ARID4B: variants seen among roughly 807,000 people sequenced by gnomAD.
The protein encoded by ARID4B is AT-rich interactive domain-containing protein 4B.
In ARID4B, 26 loss-of-function variants were observed where a neutral mutation model predicts 147.5. The observed-to-expected ratio is 0.18, with a 90% CI of 0.13 to 0.24. The LOEUF (loss-of-function observed/expected upper bound fraction) is 0.24, where lower values mean the gene tolerates loss of function less well. ARID4B is among the 10% of genes least tolerant of loss of function. The probability of loss-of-function intolerance (pLI) is 1.00; values close to 1 mark genes in which losing one functional copy is unlikely to be tolerated. For synonymous variants in ARID4B, 512 were observed against 507.9 expected (o/e 1.01, Z -0.11); for missense variants, 1,179 against 1,511.5 (o/e 0.78, Z 3.65).
chr1:235,308,131 G>T (rs1572208056), intron 2 of ARID4B, among the ~76,000 whole-genome samples: 2 of 101,852 alleles, frequency 2.0e-5, no homozygotes, highest in South Asian at 6.9e-4. Context: ...CTTGCATCTT[G>T]CTCTGTCGCC....
At chr1:235,185,277 T>C (rs1040936698) in intron 19 of ARID4B, among the ~76,000 whole-genome samples, 1 of 152,186 alleles carries the variant, frequency 6.6e-6, no homozygotes, top group Non-Finnish European at 1.5e-5. Flanking sequence ...CAGAAATAAG[T>C]AGTACATTTG....
intron 2 of ARID4B, among the ~76,000 whole-genome samples, chr1:235,275,950 A>G (rs1671287625): frequency 6.6e-6 from 1 of 152,192 alleles, no homozygotes; most frequent in Admixed American, 6.5e-5. Context: ...CAGCCGGGAC[A>G]ACACGGCAAA....
chr1:235,238,608 C>T (rs1444380082), intron 8 of ARID4B, among the ~76,000 whole-genome samples: 1 of 152,212 alleles, frequency 6.6e-6, no homozygotes, highest in African/African-American at 2.4e-5. Flanking sequence ...GTAATCCCAG[C>T]ACTCTGGGAA....
In ARID4B at chr1:235,175,309, T is replaced by C; in HGVS notation, c.3539A>G (p.His1180Arg). 2 of 1,613,656 alleles carry C rather than the reference T, an allele frequency of 1.2e-6. No individual in the cohort carries two copies. The highest frequency in any genetic ancestry group is 1.7e-6 in the Non-Finnish European group (2 of 1,179,520). Residue 1180 changes from histidine (H) to arginine (R), a missense_variant, in exon 22 of 24, where the codon CAT becomes CGT. Physicochemically the swap from His to Arg is conservative, Grantham distance 29. Around this residue, in one of 10 missense-constraint regions of ARID4B, gnomAD observed 357 missense variants for 427.3 expected, o/e 0.84. Transcript: ENST00000264183. Reference sequence around the variant, plus strand: ...CGTCCTTGCGGGAGATTTGGTACTATGAGACTTCATTCCAGTGGAAACTGA... The same window carrying C: ...CGTCCTTGCGGGAGATTTGGTACTACGAGACTTCATTCCAGTGGAAACTGA... Reference protein sequence around the residue: ...VKSVSTGMKSHSTKSPARTQS... With the variant: ...VKSVSTGMKSRSTKSPARTQS...
chr1:235,296,738 G>C (rs1349291120), intron 2 of ARID4B, among the ~76,000 whole-genome samples: 1 of 138,876 alleles, frequency 7.2e-6, no homozygotes. Context: ...TAGGTTACAG[G>C]AGTGAGCCAC....
intron 16 of ARID4B, among the ~76,000 whole-genome samples, chr1:235,214,615 T>C (rs1189206746): frequency 2.0e-5 from 3 of 152,124 alleles, no homozygotes; most frequent in Admixed American, 6.6e-5. Flanking sequence ...GAAATACTAT[T>C]TTAATTTAAA....
In ARID4B at chr1:235,274,021, T is replaced by C. The variant is rs559218425; in HGVS notation, c.7-13269A>G. On this transcript the variant is annotated intron_variant, in intron 2 of 23. Coordinates refer to ENST00000264183, the MANE Select transcript of ARID4B (RefSeq NM_016374.6). Reference sequence around the variant, plus strand: ...GCTGGTTGTAAAACATAAAAAGTAATTGCAGAAACTGAAATTATACTAGTT... The same window carrying C: ...GCTGGTTGTAAAACATAAAAAGTAACTGCAGAAACTGAAATTATACTAGTT... 5.3e-5 allele frequency among the ~76,000 whole-genome samples: 8 copies of C among 152,280 alleles called. No homozygotes were observed. In the East Asian group the frequency reaches 1.3e-3, roughly 26 times the overall value.
intron 19 of ARID4B, among the ~76,000 whole-genome samples, chr1:235,189,399 CAAAAAAAA>C (rs11299121): frequency 1.4e-4 from 8 of 58,920 alleles, no homozygotes; most frequent in Admixed American, 1.1e-3. Context: ...GACTCAGTCT[CAAAAAAAA>C]AAAAAAAAAA....
intron 11 of ARID4B, chr1:235,228,171 G>A (rs760143310): frequency 6.7e-6 from 1 of 149,852 alleles, no homozygotes; most frequent in Non-Finnish European, 1.5e-5. Context: ...AATGAAAGAT[G>A]TATTTTATAC....
chr1:235,250,738 TAG>T (rs2103093581), intron 6 of ARID4B, among the ~76,000 whole-genome samples: 1 of 152,246 alleles, frequency 6.6e-6, no homozygotes, highest in South Asian at 2.1e-4. Context: ...AAACATAAAT[TAG>T]AAGTACACAC....
At chr1:235,319,730 G>C (rs1180306454) in intron 2 of ARID4B, among the ~76,000 whole-genome samples, 1 of 152,114 alleles carries the variant, frequency 6.6e-6, no homozygotes. Flanking sequence ...AGGACGGCCA[G>C]GTGCAGTGGC....
chr1:235,269,776 G>A (rs1298992214), intron 2 of ARID4B, among the ~76,000 whole-genome samples: 3 of 152,078 alleles, frequency 2.0e-5, no homozygotes, highest in Non-Finnish European at 4.4e-5. Context: ...CCAGTCTGGT[G>A]AAGGAGATTA....
At chr1:235,312,056 G>T (rs758271630) in intron 2 of ARID4B, among the ~76,000 whole-genome samples, 51 of 152,200 alleles carry the variant, frequency 3.4e-4, no homozygotes, top group Non-Finnish European at 6.6e-4. Context: ...TTGGGAGGCC[G>T]AGGCAGGCAA....
At chr1:235,229,963 T>C (rs1433467752) in intron 10 of ARID4B, among the ~76,000 whole-genome samples, 1 of 152,170 alleles carries the variant, frequency 6.6e-6, no homozygotes, top group Non-Finnish European at 1.5e-5. Flanking sequence ...CTACATAGCA[T>C]ATTACTGAAT....
At chr1:235,305,573 T>G (rs996139869) in intron 2 of ARID4B, among the ~76,000 whole-genome samples, 1 of 152,206 alleles carries the variant, frequency 6.6e-6, no homozygotes, top group Admixed American at 6.5e-5. Context: ...ATGACCTTAG[T>G]TAGGTAAATT....
At chr1:235,298,106 T>C (rs1251918638) in intron 2 of ARID4B, among the ~76,000 whole-genome samples, 2 of 152,106 alleles carry the variant, frequency 1.3e-5, no homozygotes, top group Non-Finnish European at 2.9e-5. Context: ...GAAATACATA[T>C]GGGTGAAATG....
At chr1:235,251,310 G>A (rs762314078) in intron 6 of ARID4B, among the ~76,000 whole-genome samples, 1 of 151,824 alleles carries the variant, frequency 6.6e-6, no homozygotes, top group Non-Finnish European at 1.5e-5. Flanking sequence ...CATAGAGGAG[G>A]AAGCATTTAT....
intron 6 of ARID4B, among the ~76,000 whole-genome samples, chr1:235,248,063 T>G (rs1466745856): frequency 6.6e-6 from 1 of 152,248 alleles, no homozygotes; most frequent in Middle Eastern, 3.4e-3. Flanking sequence ...AAACTATTTT[T>G]ATTGAGACAG....
intron 19 of ARID4B, among the ~76,000 whole-genome samples, chr1:235,193,182 A>G (rs1170882246): frequency 6.6e-6 from 1 of 152,072 alleles, no homozygotes; most frequent in African/African-American, 2.4e-5. Context: ...CAATTGCTTG[A>G]GCCTAGGAGC....
Sources: allele counts gnomAD v4.1 joint callset (sites outside exome capture counted in the v4.1 genomes callset), GRCh38; gene constraint gnomAD v4.1.1; regional missense constraint gnomAD v4.1.1; transcripts MANE v1.5; gene names NCBI Gene and HGNC (gene_info 2026-07-23, HGNC 2026-07-21).